Variants in CAPN3 observed in about 807,000 individuals in gnomAD.
CAPN3 encodes calpain 3.
Under a neutral mutation model 114.0 loss-of-function variants are expected in CAPN3, and 88 were observed. That is an observed-to-expected ratio of 0.77 (90% CI 0.65 to 0.92). The LOEUF is 0.92. Among genes scored for constraint, CAPN3 ranks in the 40% least tolerant of loss-of-function variants. The pLI, the probability that CAPN3 is intolerant of heterozygous loss-of-function variation, is 0.00. For synonymous variants in CAPN3, 386 were observed against 382.9 expected, an observed-to-expected ratio of 1.01 and a Z score of -0.09; for missense variants, 1,028 against 1,069.0, an observed-to-expected ratio of 0.96 and a Z score of 0.53.
rs886044052 is a variant in CAPN3 at position 42,411,746 on chromosome 15, G to A, written c.2440-1G>A. The stretch of plus-strand genomic sequence containing the variant: ...CATTCTGATCTTGGGACTTCTTTCA[G>A]TGGCTGCAGCTCACCATGTATGCCT... On this transcript the variant is annotated splice_acceptor_variant, in intron 23 of 23. Coordinates refer to ENST00000397163, the MANE Select transcript of CAPN3 (RefSeq NM_000070.3). LOFTEE classifies it high-confidence loss of function. The A allele has an allele frequency of 2.1e-6, 3 of 1,459,734 alleles. No homozygotes were observed. The African/African-American group carries it at 4.2e-5, about 21-fold the overall frequency. 90.4% of individuals were successfully genotyped at this position (1,459,734 alleles called of 1,614,324 possible). A position where few individuals can be genotyped will look rare whatever the true frequency, so the allele number is the denominator to read the frequency against.
chr15:42,374,747 G>A (rs151243919), intron 1 of CAPN3, among the ~76,000 whole-genome samples: 16 of 149,018 alleles, frequency 1.1e-4, no homozygotes, highest in Non-Finnish European at 1.5e-4. Flanking sequence ...CCCTGAAATC[G>A]TAAATATTTT....
In CAPN3 at chr15:42,401,756, G is replaced by A. The variant is rs2053877697; in HGVS notation, c.1470G>A (p.Arg490=). 1 of 1,613,968 alleles carries A rather than the reference G, an allele frequency of 6.2e-7. No individual in the cohort carries two copies. Among genetic ancestry groups the A allele is most frequent in the Non-Finnish European group, 8.5e-7 (1 of 1,179,998 alleles). ...FLVALMQKNR[R]KDRKLGASLF... The stretch of plus-strand genomic sequence containing the variant: ...TGGCCCTGATGCAGAAGAACCGGCG[G>A]AAGGACCGGAAGCTAGGGGCCAGTC... The change falls in exon 11 of 24, where the codon CGG becomes CGA. Residue 490 remains arginine, a synonymous_variant. Transcript: ENST00000397163.
At chr15:42,384,621 C>A in intron 2 of CAPN3, 69 bp downstream of exon 2, 1 of 1,171,416 alleles carries the variant, frequency 8.5e-7, no homozygotes, top group Non-Finnish European at 1.3e-6. Context: ...GATCCCCTTC[C>A]AGGAGGTAAA....
At chr15:42,368,981 G>T (rs2052861032) in intron 1 of CAPN3, among the ~76,000 whole-genome samples, 1 of 152,202 alleles carries the variant, frequency 6.6e-6, no homozygotes, top group African/African-American at 2.4e-5. Context: ...ATGAAAAATG[G>T]CTCAATAAAG....
At chr15:42,386,370 G>A (rs2053406357) in intron 3 of CAPN3, 85 bp downstream of exon 3, 1 of 943,460 alleles carries the variant, frequency 1.1e-6, no homozygotes, top group Non-Finnish European at 1.7e-6. Context: ...AGAAGCTGGA[G>A]GAAACTTCCC....
intron 1 of CAPN3, among the ~76,000 whole-genome samples, chr15:42,367,412 T>C (rs1241691016): frequency 6.6e-6 from 1 of 152,220 alleles, no homozygotes; most frequent in Non-Finnish European, 1.5e-5. Flanking sequence ...CTGGGTGGCA[T>C]TCTGCTGAAG....
intron 1 of CAPN3, among the ~76,000 whole-genome samples, chr15:42,374,759 A>G (rs1348207606): frequency 6.9e-6 from 1 of 145,888 alleles, no homozygotes; most frequent in African/African-American, 2.5e-5. Context: ...AAATATTTTT[A>G]GGGAGCTAAT....
chr15:42,396,944 C>T lies in CAPN3; in HGVS notation c.1193+67C>T, dbSNP rs1302411935. The T allele has an allele frequency of 4.4e-6, 5 of 1,133,178 alleles. No homozygotes were observed. In the African/African-American group the frequency reaches 7.6e-5, roughly 17 times the overall value. 70.2% of individuals were successfully genotyped at this position (1,133,178 alleles called of 1,614,324 possible). A position where few individuals can be genotyped will look rare whatever the true frequency, so the allele number is the denominator to read the frequency against. ...GGAAGAGAGGGGAAATCTCAGACCT[C>T]AGTCCCCAGCTAAGGTTATCAGATT... On this transcript the variant is annotated intron_variant, in intron 9 of 23. Transcript: ENST00000397163.
intron 1 of CAPN3, among the ~76,000 whole-genome samples, chr15:42,371,296 A>G (rs1422225067): frequency 3.3e-5 from 5 of 152,164 alleles, no homozygotes; most frequent in African/African-American, 1.2e-4. Context: ...ACAAGACAGC[A>G]GCTCCTCCTG....
Position 42,402,105 on chromosome 15 carries a change from C to T in CAPN3, c.1525-19C>T, listed in dbSNP as rs1448136611. On this transcript the variant is annotated intron_variant, in intron 11 of 23. Coordinates refer to ENST00000397163, the MANE Select transcript of CAPN3 (RefSeq NM_000070.3). ...CCTCATTCACATCTGAAGCATCTTC[C>T]TTTCTGTTTCTTCTCAAGGTTCCCA... 6.2e-7 allele frequency: 1 copy of T among 1,614,084 alleles called. No homozygotes were observed.
chr15:42,400,563 G>A (rs756160455), intron 10 of CAPN3, among the ~76,000 whole-genome samples: 2 of 148,918 alleles, frequency 1.3e-5, no homozygotes, highest in Non-Finnish European at 2.9e-5. Flanking sequence ...ACACCTCATC[G>A]TTACAAAAAA....
rs764508081 is a variant in CAPN3, at chr15:42,409,391, C to G, written c.1992+11C>G. The G allele has an allele frequency of 1.3e-5, 21 of 1,612,366 alleles. No homozygotes were observed. In the South Asian group the frequency reaches 2.1e-4, roughly 16 times the overall value. On this transcript the variant is annotated intron_variant, in intron 17 of 23. Coordinates refer to ENST00000397163, the MANE Select transcript of CAPN3 (RefSeq NM_000070.3). ...CAGATAGCAGGAGATGTGAGTACCT[C>G]CAAGCCCAGGACGCCCACAGGTGCT...
intron 18 of CAPN3, 40 bp from the exon 19 acceptor site, chr15:42,409,891 T>A: frequency 6.2e-7 from 1 of 1,611,408 alleles, no homozygotes; most frequent in Non-Finnish European, 8.5e-7. Context: ...GGGAGTCCCG[T>A]TGTCTCAAAG....
At chr15:42,379,439 A>G (rs150322881) in intron 1 of CAPN3, among the ~76,000 whole-genome samples, 672 of 152,322 alleles carry the variant, frequency 4.4e-3, no homozygotes, top group Middle Eastern at 0.034. Flanking sequence ...ATTAATGTCA[A>G]TTTGATCCAG....
At chr15:42,401,349 A>G (rs1176571613) in intron 10 of CAPN3, among the ~76,000 whole-genome samples, 1 of 152,022 alleles carries the variant, frequency 6.6e-6, no homozygotes, top group Non-Finnish European at 1.5e-5. Flanking sequence ...GATTCTAGTC[A>G]CCAACAGCGT....
At chr15:42,365,388 T>G (rs2052753184) in intron 1 of CAPN3, among the ~76,000 whole-genome samples, 1 of 152,140 alleles carries the variant, frequency 6.6e-6, no homozygotes, top group Non-Finnish European at 1.5e-5. Context: ...CCGTTCTCCC[T>G]TCCTCCACTG....
At chr15:42,402,376 C>A in intron 12 of CAPN3, 2 of 1,454,532 alleles carry the variant, frequency 1.4e-6, no homozygotes, top group Non-Finnish European at 1.8e-6. Flanking sequence ...CACACACATG[C>A]CTTTGCACAC....
intron 15 of CAPN3, among the ~76,000 whole-genome samples, chr15:42,406,291 T>G (rs2054018761): frequency 6.6e-6 from 1 of 151,884 alleles, no homozygotes; most frequent in Non-Finnish European, 1.5e-5. Flanking sequence ...GCAGAGCCAG[T>G]ACTTAGAGCC....
At chr15:42,392,299 G>A (rs1169732493) in intron 6 of CAPN3, among the ~76,000 whole-genome samples, 1 of 152,134 alleles carries the variant, frequency 6.6e-6, no homozygotes, top group African/African-American at 2.4e-5. Flanking sequence ...TGAAGCCCAG[G>A]GCAGCCTCCA....
Sources: allele counts gnomAD v4.1 joint callset (sites outside exome capture counted in the v4.1 genomes callset), GRCh38; gene constraint gnomAD v4.1.1; transcripts MANE v1.5; gene names NCBI Gene and HGNC (gene_info 2026-07-23, HGNC 2026-07-21).